SYNE1: variants seen among roughly 807,000 people sequenced by gnomAD.
The protein encoded by SYNE1 is nesprin-1.
SYNE1 carries 616 observed loss-of-function variants against 1,111.0 expected under a neutral mutation model. That is an observed-to-expected ratio of 0.55 (90% CI 0.52 to 0.59). SYNE1 has a LOEUF of 0.59. Among genes scored for constraint, SYNE1 ranks in the 20% least tolerant of loss-of-function variants. SYNE1 has a pLI of 0.00. For missense variants in SYNE1, 10,006 were observed against 10,417.0 expected (o/e 0.96, Z 1.72); for synonymous variants, 3,855 against 3,825.8 (o/e 1.01, Z -0.28).
chr6:152,314,710 G>A (rs2153879342), intron 87 of SYNE1, among the ~76,000 whole-genome samples: 1 of 152,050 alleles, frequency 6.6e-6, no homozygotes, highest in African/African-American at 2.4e-5. Flanking sequence ...CAGAATTTGG[G>A]GATGCCAAGG....
chr6:152,391,303 G>A lies in SYNE1; in HGVS notation c.7978C>T (p.Leu2660=). ...AESTLGSKDT[L]EKRLSQIQDI... is the part of the protein sequence containing the mutation. ...TGTATTTGTGACAGCCGTTTCTCCAGGGTGTCTTTGCTCCCAAGAGTGCTC... is the reference window on the plus strand; with the variant it reads ...TGTATTTGTGACAGCCGTTTCTCCAAGGTGTCTTTGCTCCCAAGAGTGCTC... Residue 2660 remains leucine, a synonymous_variant, in exon 52 of 146, where the codon CTG becomes TTG. Transcript: ENST00000367255. 6.2e-7 allele frequency: 1 copy of A among 1,614,082 alleles called. No individual in the cohort carries two copies. Among genetic ancestry groups the A allele is most frequent in the Non-Finnish European group, 8.5e-7 (1 of 1,180,014 alleles).
chr6:152,387,322 T>C lies in SYNE1; in HGVS notation c.8237A>G (p.Glu2746Gly). The change falls in exon 54 of 146, where the codon GAG (glutamate) becomes GGG (glycine). Residue 2746 changes from glutamate to glycine, a missense_variant. Transcript: ENST00000367255. ...TTGATCCACTGATTCCATCCACTGC[T>C]CCAACTGGTTTTTCCTCTCTACATA... ...NDYVERKNQL[E>G]QWMESVDQKI... The C allele has an allele frequency of 6.2e-7, 1 of 1,614,220 alleles. No individual in the cohort carries two copies. The highest frequency in any genetic ancestry group is 8.5e-7 in the Non-Finnish European group (1 of 1,180,024).
At chr6:152,217,575 G>A (rs2079050638) in intron 121 of SYNE1, among the ~76,000 whole-genome samples, 2 of 152,084 alleles carry the variant, frequency 1.3e-5, no homozygotes, top group African/African-American at 2.4e-5. Flanking sequence ...AGGAGGGGAG[G>A]TTGGGTGAAT....
intron 101 of SYNE1, among the ~76,000 whole-genome samples, chr6:152,259,482 A>G (rs1165830380): frequency 6.6e-6 from 1 of 152,310 alleles, no homozygotes; most frequent in African/African-American, 2.4e-5. Context: ...CTGTTTTTAC[A>G]TATGAAACTA....
At chr6:152,183,493 C>A (rs905883804) in intron 128 of SYNE1, among the ~76,000 whole-genome samples, 1 of 151,944 alleles carries the variant, frequency 6.6e-6, no homozygotes, top group Non-Finnish European at 1.5e-5. Context: ...CTCAGCTACT[C>A]GGGAGGCTGA....
At chr6:152,248,756 G>T (rs550028799) in intron 105 of SYNE1, among the ~76,000 whole-genome samples, 2 of 152,210 alleles carry the variant, frequency 1.3e-5, no homozygotes, top group African/African-American at 4.8e-5. Context: ...CTTAGGTTCA[G>T]TTCAAATTTC....
chr6:152,503,349 C>T (rs1199157249), intron 9 of SYNE1, among the ~76,000 whole-genome samples: 1 of 152,166 alleles, frequency 6.6e-6, no homozygotes, highest in African/African-American at 2.4e-5. Context: ...CAATCAAGCA[C>T]TCTTCGAGGG....
At chr6:152,522,078 A>AT (rs34971597) in intron 5 of SYNE1, among the ~76,000 whole-genome samples, 39,616 of 151,492 alleles carry the variant, frequency 0.26, 6,233 homozygotes, top group East Asian at 0.44. Flanking sequence ...TTCCTGTTCC[A>AT]TTTTTTTTAA....
At chr6:152,505,724 A>C (rs181034934) in intron 8 of SYNE1, among the ~76,000 whole-genome samples, 1 of 152,240 alleles carries the variant, frequency 6.6e-6, no homozygotes, top group Non-Finnish European at 1.5e-5. Flanking sequence ...GGATGTTTAC[A>C]TTTATTTTAT....
chr6:152,606,978 CTTTTT>C (rs71017544), intron 3 of SYNE1, among the ~76,000 whole-genome samples: 3 of 62,210 alleles, frequency 4.8e-5, no homozygotes, highest in Non-Finnish European at 5.5e-5. Flanking sequence ...CCTCGGTTCT[CTTTTT>C]TTTTTTTTTT....
At chr6:152,606,107 G>T (rs1014271698) in intron 3 of SYNE1, among the ~76,000 whole-genome samples, 19 of 152,272 alleles carry the variant, frequency 1.2e-4, no homozygotes, top group African/African-American at 4.6e-4. Flanking sequence ...TGCTTGGAGA[G>T]AAAAAGCCAC....
At chr6:152,180,106 T>C (rs1470617912) in intron 129 of SYNE1, 30 bp downstream of exon 129, 1 of 1,613,440 alleles carries the variant, frequency 6.2e-7, no homozygotes, top group African/African-American at 1.3e-5. Context: ...TTATGAAGAA[T>C]GAAAACCTAA....
chr6:152,636,067 C>A (rs1476561508), intron 2 of SYNE1, among the ~76,000 whole-genome samples: 1 of 152,196 alleles, frequency 6.6e-6, no homozygotes, highest in African/African-American at 2.4e-5. Context: ...CTATGTGAAA[C>A]GTATCTTTAT....
intron 28 of SYNE1, among the ~76,000 whole-genome samples, chr6:152,449,254 G>T (rs2098626132): frequency 6.6e-6 from 1 of 152,136 alleles, no homozygotes; most frequent in Non-Finnish European, 1.5e-5. Context: ...TTTCTACTGG[G>T]TTATACGCCC....
intron 3 of SYNE1, among the ~76,000 whole-genome samples, chr6:152,550,988 A>T (rs982297352): frequency 1.3e-5 from 2 of 152,176 alleles, no homozygotes; most frequent in Admixed American, 1.3e-4. Context: ...GGGAGGAAAA[A>T]CAGCACAGCT....
chr6:152,462,483 A>G lies in SYNE1; in HGVS notation c.2250+255T>C, dbSNP rs1039793571. On this transcript the variant is annotated intron_variant, in intron 20 of 145. Coordinates refer to ENST00000367255, the MANE Select transcript of SYNE1 (RefSeq NM_182961.4). ...CTATAGATGTCTCCTGTTTTTTCCTAATACTTTTTAACTTGGTTGTAGAAA... is the reference window on the plus strand; with the variant it reads ...CTATAGATGTCTCCTGTTTTTTCCTGATACTTTTTAACTTGGTTGTAGAAA... 2.2e-5 allele frequency: 13 copies of G among 586,126 alleles called. No homozygotes were observed. In the East Asian group the frequency reaches 3.6e-4, roughly 16 times the overall value. The allele number at this position is 586,126 out of a possible 1,614,324, so 36.3% of individuals were successfully genotyped here. A position where few individuals can be genotyped will look rare whatever the true frequency, so the allele number is the denominator to read the frequency against.
intron 74 of SYNE1, among the ~76,000 whole-genome samples, chr6:152,342,478 A>T (rs2096552961): frequency 6.6e-6 from 1 of 152,232 alleles, no homozygotes; most frequent in African/African-American, 2.4e-5. Context: ...ATTCTTATAA[A>T]GTAAAATATG....
chr6:152,199,860 A>C (rs1257711598), intron 127 of SYNE1, among the ~76,000 whole-genome samples: 1 of 152,182 alleles, frequency 6.6e-6, no homozygotes, highest in Admixed American at 6.5e-5. Context: ...ACGAAAATAC[A>C]TTTTTTAAAT....
intron 64 of SYNE1, among the ~76,000 whole-genome samples, chr6:152,360,075 T>C (rs923659362): frequency 6.6e-6 from 1 of 152,202 alleles, no homozygotes; most frequent in East Asian, 1.9e-4. Context: ...CCCTGTCCCT[T>C]ATTTCATGCT....
Sources: allele counts gnomAD v4.1 joint callset (sites outside exome capture counted in the v4.1 genomes callset), GRCh38; gene constraint gnomAD v4.1.1; transcripts MANE v1.5; gene names NCBI Gene and HGNC (gene_info 2026-07-23, HGNC 2026-07-21).